Variants in C5 observed in about 807,000 individuals in gnomAD.
The protein encoded by C5 is C3 and PZP-like alpha-2-macroglobulin domain-containing protein 4.
C5 carries 140 observed loss-of-function variants against 218.8 expected under a neutral mutation model. The ratio of observed to expected loss-of-function variants is 0.64; its 90% confidence interval spans 0.56 to 0.74. The LOEUF (loss-of-function observed/expected upper bound fraction) is 0.74, where lower values mean the gene tolerates loss of function less well. Among genes scored for constraint, C5 ranks in the 30% least tolerant of loss-of-function variants. C5 has a pLI of 0.00. For synonymous variants in C5, 614 were observed against 682.3 expected, an observed-to-expected ratio of 0.90 and a Z score of 1.56; for missense variants, 1,700 against 1,969.6, an observed-to-expected ratio of 0.86 and a Z score of 2.59.
At chr9:121,020,242 C>T in intron 11 of C5, 63 bp from the exon 12 acceptor site, 4 of 1,189,202 alleles carry the variant, frequency 3.4e-6, no homozygotes, top group Non-Finnish European at 5.0e-6. Context: ...TAAAACATAC[C>T]TTTCAAATTA....
chr9:120,972,551 C>T (rs2046922718), intron 30 of C5, among the ~76,000 whole-genome samples: 1 of 152,182 alleles, frequency 6.6e-6, no homozygotes, highest in South Asian at 2.1e-4. Flanking sequence ...CCCCAAACCA[C>T]TAGCACCCCA....
intron 20 of C5, among the ~76,000 whole-genome samples, chr9:120,998,410 C>T (rs1236675541): frequency 1.3e-5 from 2 of 152,222 alleles, no homozygotes; most frequent in Admixed American, 6.5e-5. Context: ...GTTTGTGTTT[C>T]AGATAGTGGG....
At chr9:121,046,657 G>C (rs1656806431) in intron 1 of C5, among the ~76,000 whole-genome samples, 1 of 152,106 alleles carries the variant, frequency 6.6e-6, no homozygotes, top group Non-Finnish European at 1.5e-5. Flanking sequence ...CTGCAGCCAA[G>C]GAAGACTTTT....
At chr9:120,984,068 G>A (rs549784695) in intron 25 of C5, among the ~76,000 whole-genome samples, 1 of 151,952 alleles carries the variant, frequency 6.6e-6, no homozygotes, top group African/African-American at 2.4e-5. Context: ...AAGTTTCCTT[G>A]TTCTTTTACA....
At chr9:121,018,118 T>C (rs1245960449) in intron 12 of C5, among the ~76,000 whole-genome samples, 1 of 151,360 alleles carries the variant, frequency 6.6e-6, no homozygotes, top group African/African-American at 2.4e-5. Context: ...CCAGGCATGG[T>C]GGTGCATGAC....
At chr9:121,054,849 C>A (rs2047690385), upstream of C5, among the ~76,000 whole-genome samples, 1 of 151,952 alleles carries the variant, frequency 6.6e-6, no homozygotes, top group Admixed American at 6.6e-5. Flanking sequence ...CCAGTTCTGG[C>A]AGAGTTGAAC....
chr9:120,971,838 T>C, intron 31 of C5, 92 bp downstream of exon 31: 2 of 944,812 alleles, frequency 2.1e-6, no homozygotes, highest in Middle Eastern at 2.1e-4. Context: ...CAAGCCCAGA[T>C]TTCTGTGACT....
chr9:120,991,844 G>A (rs1351565224), intron 22 of C5, among the ~76,000 whole-genome samples: 1 of 152,186 alleles, frequency 6.6e-6, no homozygotes, highest in Non-Finnish European at 1.5e-5. Flanking sequence ...AGAGTACCAA[G>A]CATGCTACTA....
intron 18 of C5, among the ~76,000 whole-genome samples, chr9:121,008,156 TA>T (rs761733482): frequency 6.6e-6 from 1 of 152,192 alleles, no homozygotes. Flanking sequence ...AGTAAATGCA[TA>T]ATGAAGTCAA....
the C5 span, among the ~76,000 whole-genome samples, chr9:121,060,179 C>G: frequency 6.6e-6 from 1 of 152,198 alleles, no homozygotes; most frequent in East Asian, 1.9e-4. Flanking sequence ...AGCAAGTGTA[C>G]TTTAAGTTCC....
At chr9:120,987,636 C>CAAAAAA (rs36095132) in intron 25 of C5, among the ~76,000 whole-genome samples, 1 of 111,016 alleles carries the variant, frequency 9.0e-6, no homozygotes, top group African/African-American at 3.7e-5. Context: ...GACTCCGTCT[C>CAAAAAA]AAAAAAAAAA....
intron 28 of C5, chr9:120,979,811 C>G (rs1166167043): frequency 5.0e-6 from 2 of 396,794 alleles, no homozygotes; most frequent in Admixed American, 3.7e-5. Context: ...CCCAGGAGAT[C>G]GAGGCTGCAG....
At chr9:121,063,886 G>C in the C5 span, among the ~76,000 whole-genome samples, 1 of 152,036 alleles carries the variant, frequency 6.6e-6, no homozygotes, top group East Asian at 1.9e-4. Flanking sequence ...ATTATAAAAA[G>C]ATAAGGATGC....
chr9:120,970,334 A>G (rs1434958953), intron 31 of C5, 83 bp from the exon 32 acceptor site: 4 of 859,274 alleles, frequency 4.7e-6, no homozygotes, highest in Admixed American at 3.6e-5. Context: ...GCTGCTGCAG[A>G]TGGGATGCTC....
intron 27 of C5, 84 bp downstream of exon 27, chr9:120,981,760 C>T (rs1229041947): frequency 2.2e-5 from 19 of 880,132 alleles, no homozygotes; most frequent in Middle Eastern, 2.2e-4. Context: ...GCTTTTGAAA[C>T]AAAAGGTCTT....
At chr9:121,008,813 C>T (rs948981166) in intron 17 of C5, among the ~76,000 whole-genome samples, 5 of 151,972 alleles carry the variant, frequency 3.3e-5, no homozygotes, top group African/African-American at 1.2e-4. Flanking sequence ...GTCTATAGTC[C>T]CAGCTACTCA....
In C5 at chr9:120,970,162, G is replaced by C. The variant is rs747927495; in HGVS notation, c.4162+8C>G. 1 of 1,596,180 alleles carries C rather than the reference G, an allele frequency of 6.3e-7. No homozygotes were observed. Among genetic ancestry groups the C allele is most frequent in the Non-Finnish European group, 8.6e-7 (1 of 1,163,932 alleles). On this transcript the variant is annotated splice_region_variant and intron_variant, in intron 32 of 40. Transcript: ENST00000223642. ...CCAAAATTACAGCGTAAATCCTGCT[G>C]TTTTTACCTTCAATATCCTGAGTAT...
At chr9:121,006,172 C>A (rs1487772747) in intron 19 of C5, 114 bp from the exon 20 acceptor site, 1 of 995,608 alleles carries the variant, frequency 1.0e-6, no homozygotes, top group African/African-American at 1.6e-5. Flanking sequence ...AATATTAGAT[C>A]ATGTTTTTCT....
At chr9:121,072,416 C>T in the C5 span, among the ~76,000 whole-genome samples, 1 of 151,994 alleles carries the variant, frequency 6.6e-6, no homozygotes, top group Non-Finnish European at 1.5e-5. Flanking sequence ...TACAAGAAAC[C>T]GAAACGATGG....
Sources: allele counts gnomAD v4.1 joint callset (sites outside exome capture counted in the v4.1 genomes callset), GRCh38; gene constraint gnomAD v4.1.1; transcripts MANE v1.5; gene names NCBI Gene and HGNC (gene_info 2026-07-23, HGNC 2026-07-21).